Variants in HPSE2 observed in about 807,000 individuals in gnomAD.
HPSE2 encodes the protein inactive heparanase-2.
In HPSE2, 38 loss-of-function variants were observed where a neutral mutation model predicts 60.5. That is an observed-to-expected ratio of 0.63 (90% CI 0.48 to 0.82). HPSE2 has a LOEUF of 0.82. Ranked by LOEUF, HPSE2 falls within the 40% of genes least tolerant of loss-of-function variation. The probability of loss-of-function intolerance (pLI) is 0.00; values close to 1 mark genes in which losing one functional copy is unlikely to be tolerated. For synonymous variants in HPSE2, 295 were observed against 293.2 expected (o/e 1.01, Z -0.06); for missense variants, 713 against 740.4 (o/e 0.96, Z 0.43).
chr10:98,752,005 T>C (rs1023765211), intron 3 of HPSE2, among the ~76,000 whole-genome samples: 2 of 152,236 alleles, frequency 1.3e-5, no homozygotes, highest in East Asian at 3.8e-4. Flanking sequence ...CTGTTCTTTT[T>C]AAACACAATT....
chr10:98,825,470 T>G (rs1826940282), intron 3 of HPSE2, among the ~76,000 whole-genome samples: 1 of 152,152 alleles, frequency 6.6e-6, no homozygotes, highest in African/African-American at 2.4e-5. Flanking sequence ...ACAACAACTA[T>G]TCAAGGGAGG....
chr10:99,226,838 C>CCAA (rs1330112293), intron 2 of HPSE2, among the ~76,000 whole-genome samples: 2 of 151,994 alleles, frequency 1.3e-5, no homozygotes, highest in East Asian at 3.8e-4. Flanking sequence ...CCCGCTAAGT[C>CCAA]CAACACTTGA....
the HPSE2 span, among the ~76,000 whole-genome samples, chr10:99,308,379 C>CAAAAAAAAAAAAAAAAA: frequency 6.0e-4 from 17 of 28,124 alleles, 2 homozygotes; most frequent in South Asian, 2.0e-3. Flanking sequence ...GACTCTGTCT[C>CAAAAAAAAAAAAAAAAA]AAAAAAAAAA....
At chr10:99,161,153 T>C (rs1374355718) in intron 2 of HPSE2, among the ~76,000 whole-genome samples, 1 of 151,392 alleles carries the variant, frequency 6.6e-6, no homozygotes, top group Non-Finnish European at 1.5e-5. Context: ...CCTAGGAGTT[T>C]GAGGCGATAG....
At chr10:98,646,085 A>G (rs1946761320) in intron 6 of HPSE2, among the ~76,000 whole-genome samples, 1 of 152,180 alleles carries the variant, frequency 6.6e-6, no homozygotes, top group Non-Finnish European at 1.5e-5. Context: ...GTACTTACCC[A>G]TTGTAAATGT....
intron 2 of HPSE2, among the ~76,000 whole-genome samples, chr10:99,196,190 G>A (rs887118513): frequency 2.6e-5 from 4 of 152,012 alleles, no homozygotes; most frequent in African/African-American, 7.2e-5. Context: ...ATCTCTTACT[G>A]TATGCAAAAA....
rs1441682056 is a variant in HPSE2, at chr10:98,935,399, G to C, written c.611-191343C>G. 4.9e-5 allele frequency among the ~76,000 whole-genome samples: 7 copies of C among 143,670 alleles called. 1 individual carries two copies. Among genetic ancestry groups the C allele is most frequent in the Non-Finnish European group, 8.9e-5 (6 of 67,068 alleles). 94.3% of individuals were successfully genotyped at this position (143,670 alleles called of 152,430 possible). A position where few individuals can be genotyped will look rare whatever the true frequency, so the allele number is the denominator to read the frequency against. On this transcript the variant is annotated intron_variant, in intron 3 of 11. Transcript: ENST00000370552. ...TTGAGATTTTCAGCATTTTTGCATT[G>C]GTTTTTCCTCATCTTTCTGGATTTA...
At position 99,145,123 on chromosome 10, in the gene HPSE2, T is replaced by C. The variant is rs574606623; in HGVS notation, c.449-724A>G. On this transcript the variant is annotated intron_variant, in intron 2 of 11. Coordinates refer to ENST00000370552, the MANE Select transcript of HPSE2 (RefSeq NM_021828.5). Reference sequence around the variant, plus strand: ...GAATGATTTTCATTCAAAGCAGATATAGTCTCCAGAAAACAGCTTCCTCAA... The same window carrying C: ...GAATGATTTTCATTCAAAGCAGATACAGTCTCCAGAAAACAGCTTCCTCAA... Among the ~76,000 whole-genome samples the C allele has an allele frequency of 2.2e-4, 34 of 152,312 alleles. 1 individual carries two copies. The highest frequency in any genetic ancestry group is 7.9e-4 in the African/African-American group (33 of 41,568).
chr10:99,312,543 C>T, the HPSE2 span, among the ~76,000 whole-genome samples: 3 of 152,164 alleles, frequency 2.0e-5, no homozygotes, highest in Admixed American at 6.5e-5. Flanking sequence ...ATATTTTAAA[C>T]CCATCGTTGA....
At chr10:98,992,386 G>A (rs2135345855) in intron 3 of HPSE2, among the ~76,000 whole-genome samples, 2 of 152,132 alleles carry the variant, frequency 1.3e-5, no homozygotes, top group South Asian at 4.2e-4. Flanking sequence ...TTTTAAAATA[G>A]AAAATGTTAA....
At chr10:98,703,792 A>G (rs927191985) in intron 5 of HPSE2, among the ~76,000 whole-genome samples, 4 of 152,312 alleles carry the variant, frequency 2.6e-5, no homozygotes, top group African/African-American at 9.6e-5. Flanking sequence ...GCTATGTGTG[A>G]CAAACCTACA....
chr10:99,000,297 A>G (rs1229025432), intron 3 of HPSE2, among the ~76,000 whole-genome samples: 2 of 152,172 alleles, frequency 1.3e-5, no homozygotes, highest in African/African-American at 2.4e-5. Flanking sequence ...AGAAAGAAAA[A>G]TAACAGGTTA....
At chr10:99,303,787 T>C in the HPSE2 span, among the ~76,000 whole-genome samples, 1 of 152,198 alleles carries the variant, frequency 6.6e-6, no homozygotes, top group African/African-American at 2.4e-5. Flanking sequence ...AATTTTGCTC[T>C]TCTTCCTGCT....
chr10:98,949,170 T>G (rs966939651), intron 3 of HPSE2, among the ~76,000 whole-genome samples: 1 of 152,072 alleles, frequency 6.6e-6, no homozygotes, highest in Admixed American at 6.6e-5. Flanking sequence ...ACCAAGTGTT[T>G]TAAAAGAATT....
intron 3 of HPSE2, among the ~76,000 whole-genome samples, chr10:99,017,419 C>T (rs768388059): frequency 6.6e-6 from 1 of 152,038 alleles, no homozygotes; most frequent in Non-Finnish European, 1.5e-5. Context: ...CTGCTGAATT[C>T]GGTTTGCCAG....
At chr10:98,545,280 A>G (rs1025216095) in intron 9 of HPSE2, among the ~76,000 whole-genome samples, 11 of 152,024 alleles carry the variant, frequency 7.2e-5, no homozygotes, top group East Asian at 3.9e-4. Context: ...TAGAAAAAGA[A>G]GGAATCCTCC....
intron 3 of HPSE2, among the ~76,000 whole-genome samples, chr10:98,940,872 A>T (rs1253769680): frequency 3.7e-5 from 5 of 136,948 alleles, no homozygotes; most frequent in African/African-American, 1.3e-4. Flanking sequence ...GCACATCAAA[A>T]AGCTTATCCA....
chr10:98,942,969 A>T (rs1195495959), intron 3 of HPSE2, among the ~76,000 whole-genome samples: 1 of 151,262 alleles, frequency 6.6e-6, no homozygotes, highest in Admixed American at 6.6e-5. Flanking sequence ...TTCTCAGTAA[A>T]CTATCGCAAG....
At chr10:99,202,386 A>G (rs2133887697) in intron 2 of HPSE2, among the ~76,000 whole-genome samples, 1 of 152,322 alleles carries the variant, frequency 6.6e-6, no homozygotes, top group South Asian at 2.1e-4. Flanking sequence ...TCATCGCTAA[A>G]CTAAAAATGA....
Sources: allele counts gnomAD v4.1 joint callset (sites outside exome capture counted in the v4.1 genomes callset), GRCh38; gene constraint gnomAD v4.1.1; transcripts MANE v1.5; gene names NCBI Gene and HGNC (gene_info 2026-07-23, HGNC 2026-07-21).